The following PPARGC1A variants were observed in gnomAD, a reference collection of about 807,000 sequenced individuals.
PPARGC1A encodes PPARG coactivator 1 alpha.
In PPARGC1A, 25 loss-of-function variants were observed where a neutral mutation model predicts 88.7. The ratio of observed to expected loss-of-function variants is 0.28; its 90% CI spans 0.21 to 0.39. The LOEUF (loss-of-function observed/expected upper bound fraction) is 0.39. Among genes scored for constraint, PPARGC1A ranks in the 10% least tolerant of loss-of-function variants. The probability of loss-of-function intolerance (pLI) is 1.00; values close to 1 mark genes in which losing one functional copy is unlikely to be tolerated. For missense variants in PPARGC1A, 880 were observed against 968.7 expected (o/e 0.91, Z 1.22); for synonymous variants, 363 against 355.6 (o/e 1.02, Z -0.24).
the PPARGC1A span, among the ~76,000 whole-genome samples, chr4:24,313,196 T>C: frequency 5.7e-4 from 87 of 152,084 alleles, 1 homozygote; most frequent in African/African-American, 2.0e-3. Flanking sequence ...ACAAAGGAGA[T>C]AGTCAAAGGG....
the PPARGC1A span, among the ~76,000 whole-genome samples, chr4:24,128,800 A>C: frequency 6.6e-6 from 1 of 152,140 alleles, no homozygotes; most frequent in East Asian, 1.9e-4. Flanking sequence ...TAACTTCCCT[A>C]ATCCCCTAAA....
chr4:24,440,651 A>T, the PPARGC1A span, among the ~76,000 whole-genome samples: 1 of 152,096 alleles, frequency 6.6e-6, no homozygotes, highest in Admixed American at 6.6e-5. Context: ...AAAATAAAAA[A>T]ATTAGCTGGG....
chr4:23,958,826 G>T, the PPARGC1A span, among the ~76,000 whole-genome samples: 1 of 151,998 alleles, frequency 6.6e-6, no homozygotes, highest in Non-Finnish European at 1.5e-5. Flanking sequence ...ACTAAGAAAG[G>T]CTAGAAAATG....
chr4:24,032,043 T>G, the PPARGC1A span, among the ~76,000 whole-genome samples: 196 of 152,292 alleles, frequency 1.3e-3, 5 homozygotes, highest in East Asian at 0.036. Context: ...ATGACATTCT[T>G]TTTTGAGGCT....
chr4:23,895,159 GAAA>G (rs773200297), intron 1 of PPARGC1A, among the ~76,000 whole-genome samples: 2 of 53,582 alleles, frequency 3.7e-5, no homozygotes, highest in African/African-American at 6.1e-5. Flanking sequence ...TTGTTTAACT[GAAA>G]AAAAAAAAAA....
chr4:23,828,800 TTTTTA>T (rs1424739367), intron 4 of PPARGC1A, among the ~76,000 whole-genome samples, 196 bp from the exon 5 acceptor site: 3 of 152,208 alleles, frequency 2.0e-5, no homozygotes, highest in Non-Finnish European at 2.9e-5. Context: ...TTTATGCAGC[TTTTTA>T]TTTTATTTCT....
At chr4:24,045,532 C>T in the PPARGC1A span, among the ~76,000 whole-genome samples, 1 of 152,150 alleles carries the variant, frequency 6.6e-6, no homozygotes, top group African/African-American at 2.4e-5. Flanking sequence ...CCTCTTCTAG[C>T]TTCTGGTGGT....
intron 2 of PPARGC1A, among the ~76,000 whole-genome samples, chr4:23,859,966 CAATT>C (rs760450538): frequency 5.3e-5 from 8 of 151,960 alleles, no homozygotes; most frequent in Non-Finnish European, 7.4e-5. Flanking sequence ...TTGAGTTAGA[CAATT>C]AAGAAATCTT....
At chr4:23,930,749 C>G in the PPARGC1A span, among the ~76,000 whole-genome samples, 1 of 152,116 alleles carries the variant, frequency 6.6e-6, no homozygotes, top group Non-Finnish European at 1.5e-5. Flanking sequence ...GAAAGTGATC[C>G]TGGAAAGAAG....
chr4:23,888,969 CCA>C, intron 1 of PPARGC1A: 21 of 985,318 alleles, frequency 2.1e-5, no homozygotes, highest in Non-Finnish European at 2.5e-5. Context: ...TGCTTGTTTC[CCA>C]AGTTGCCCAA....
At chr4:24,458,838 C>T in the PPARGC1A span, among the ~76,000 whole-genome samples, 3 of 152,044 alleles carry the variant, frequency 2.0e-5, no homozygotes, top group African/African-American at 7.2e-5. Flanking sequence ...TATGGCAGGT[C>T]AGTTATGATT....
the PPARGC1A span, among the ~76,000 whole-genome samples, chr4:24,000,647 A>AT: frequency 6.6e-6 from 1 of 152,072 alleles, no homozygotes; most frequent in South Asian, 2.1e-4. Context: ...ATCCAATAGG[A>AT]TTTTTTCTTT....
chr4:23,906,957 C>T (rs879294790), upstream of PPARGC1A, among the ~76,000 whole-genome samples: 2 of 152,144 alleles, frequency 1.3e-5, no homozygotes, highest in Non-Finnish European at 2.9e-5. Flanking sequence ...GCTTTGGGAA[C>T]TTTGTGGCTC....
At chr4:24,240,161 G>A in the PPARGC1A span, among the ~76,000 whole-genome samples, 366 of 152,328 alleles carry the variant, frequency 2.4e-3, no homozygotes, top group Admixed American at 4.0e-3. Flanking sequence ...GGAAAGGTAT[G>A]TCTTATATTA....
At chr4:24,459,329 CTGA>C in the PPARGC1A span, among the ~76,000 whole-genome samples, 58 of 151,946 alleles carry the variant, frequency 3.8e-4, no homozygotes, top group Admixed American at 3.7e-3. Flanking sequence ...CTATTAGGGG[CTGA>C]TGTCTTTAAA....
chr4:24,037,497 G>C, the PPARGC1A span, among the ~76,000 whole-genome samples: 1 of 152,124 alleles, frequency 6.6e-6, no homozygotes, highest in Non-Finnish European at 1.5e-5. Context: ...TCACATAGAA[G>C]CATCAACTCC....
chr4:24,015,525 G>C, the PPARGC1A span, among the ~76,000 whole-genome samples: 4 of 152,044 alleles, frequency 2.6e-5, no homozygotes, highest in East Asian at 7.7e-4. Flanking sequence ...AGAAAAAAGG[G>C]AAAGCTCATC....
chr4:24,264,469 C>A, the PPARGC1A span, among the ~76,000 whole-genome samples: 5 of 152,238 alleles, frequency 3.3e-5, no homozygotes, highest in Non-Finnish European at 7.3e-5. Context: ...TGCTGAAGGG[C>A]ATGAGCTTTG....
At chr4:24,059,698 G>A in the PPARGC1A span, among the ~76,000 whole-genome samples, 1 of 152,272 alleles carries the variant, frequency 6.6e-6, no homozygotes, top group East Asian at 1.9e-4. Context: ...GCAAATAAAT[G>A]TCATCAGTTT....
Sources: gnomAD v4.1 joint callset for allele counts (sites outside exome capture counted in the v4.1 genomes callset) on GRCh38, gnomAD v4.1.1 for gene constraint, MANE v1.5 for transcripts, NCBI Gene and HGNC (gene_info 2026-07-23, HGNC 2026-07-21) for gene names.